The following RTN4 variants were observed in gnomAD, a reference collection of about 807,000 sequenced individuals.
RTN4 encodes reticulon-4.
In RTN4, 32 loss-of-function variants were observed where a neutral mutation model predicts 90.4. The ratio of observed to expected loss-of-function variants is 0.35; its 90% CI spans 0.27 to 0.48. The LOEUF (loss-of-function observed/expected upper bound fraction) is 0.48, where lower values mean the gene tolerates loss of function less well. Ranked by LOEUF, RTN4 falls within the 20% of genes least tolerant of loss-of-function variation. The pLI is 0.99. For missense variants in RTN4, 1,706 were observed against 1,430.2 expected (o/e 1.19, Z -3.11); for synonymous variants, 629 against 552.5 (o/e 1.14, Z -1.94).
the RTN4 span, among the ~76,000 whole-genome samples, chr2:55,137,809 G>T: frequency 6.6e-6 from 1 of 152,092 alleles, no homozygotes; most frequent in African/African-American, 2.4e-5. Context: ...GGAACCTGCC[G>T]CAGGCCTGTG....
rs902408023 is a variant in RTN4 at position 54,972,965 on chromosome 2, A to C, written c.*191T>G. On this transcript the variant is annotated 3_prime_UTR_variant, in exon 9 of 9. Coordinates refer to ENST00000337526, the MANE Select transcript of RTN4 (RefSeq NM_020532.5). ...CATACATAGCAGCTTACAATACTTAAGATGATGAACACATGGCAGTCAAGA... is the reference window on the plus strand; with the variant it reads ...CATACATAGCAGCTTACAATACTTACGATGATGAACACATGGCAGTCAAGA... 2.0e-6 allele frequency: 1 copy of C among 493,544 alleles called. No homozygotes were observed. Among genetic ancestry groups the C allele is most frequent in the Admixed American group, 3.4e-5 (1 of 29,146 alleles). 30.6% of individuals were successfully genotyped at this position (493,544 alleles called of 1,614,324 possible).
At chr2:54,982,467 G>A (rs1558761925) in intron 5 of RTN4, 48 bp downstream of exon 5, 1 of 1,521,014 alleles carries the variant, frequency 6.6e-7, no homozygotes, top group African/African-American at 1.4e-5. Flanking sequence ...CAACTCTCTT[G>A]ATACTAAATT....
intron 1 of RTN4, among the ~76,000 whole-genome samples, chr2:55,041,384 G>A (rs1683064017): frequency 6.6e-6 from 1 of 151,472 alleles, no homozygotes. Context: ...GAGGGAGAGG[G>A]GACAAGATAA....
At chr2:55,008,176 C>CACACACACA (rs1553438392) in intron 3 of RTN4, among the ~76,000 whole-genome samples, 4 of 149,678 alleles carry the variant, frequency 2.7e-5, no homozygotes, top group Non-Finnish European at 4.5e-5. Context: ...CACACACACA[C>CACACACACA]CACCTTTTAA....
At chr2:55,092,819 G>C (rs1197827498) in intron 1 of RTN4, among the ~76,000 whole-genome samples, 1 of 152,260 alleles carries the variant, frequency 6.6e-6, no homozygotes, top group Non-Finnish European at 1.5e-5. Context: ...CCTCACACTA[G>C]AGCTAGAAGC....
At chr2:55,052,182 A>G (rs1263991999), upstream of RTN4, among the ~76,000 whole-genome samples, 1 of 152,248 alleles carries the variant, frequency 6.6e-6, no homozygotes, top group African/African-American at 2.4e-5. Flanking sequence ...TATACAACAG[A>G]AAGAGTGAAC....
At position 55,026,981 on chromosome 2, in the gene RTN4, C is replaced by T; in HGVS notation, c.1118G>A (p.Arg373Lys). Residue 373 changes from arginine (R) to lysine (K), a missense_variant, in exon 3 of 9, where the codon AGA becomes AAA. By Grantham distance (26) the Arg-to-Lys change is conservative (BLOSUM62 2). Transcript: ENST00000337526. ...CCTCATAGGAGCTTCCACTGCAACT[C>T]TCTTTTCATTAAAACTGTCTTTTGC... ...EKAKDSFNEK[R>K]VAVEAPMREE... The T allele has an allele frequency of 1.2e-6, 2 of 1,613,370 alleles. No individual in the cohort carries two copies. Among genetic ancestry groups the T allele is most frequent in the Non-Finnish European group, 1.7e-6 (2 of 1,179,884 alleles).
At chr2:54,974,648 C>A in intron 6 of RTN4, 47 bp downstream of exon 6, 1 of 1,401,840 alleles carries the variant, frequency 7.1e-7, no homozygotes. Flanking sequence ...GCTCCTGGCA[C>A]ACAATCTTTC....
chr2:55,132,117 G>A, the RTN4 span, among the ~76,000 whole-genome samples: 111 of 152,294 alleles, frequency 7.3e-4, no homozygotes, highest in Non-Finnish European at 1.3e-3. Context: ...GGAGGAAATC[G>A]GTGAAACAAG....
intron 2 of RTN4, among the ~76,000 whole-genome samples, chr2:55,065,428 CA>C (rs1273552034): frequency 2.0e-5 from 3 of 152,038 alleles, no homozygotes; most frequent in Non-Finnish European, 2.9e-5. Context: ...CAAGTAAGAA[CA>C]TACCTAAGAA....
chr2:54,986,108 G>A (rs1485755407), intron 4 of RTN4, among the ~76,000 whole-genome samples: 1 of 152,118 alleles, frequency 6.6e-6, no homozygotes, highest in Non-Finnish European at 1.5e-5. Flanking sequence ...ATGAACATGG[G>A]TACAAAACTC....
intron 1 of RTN4, among the ~76,000 whole-genome samples, chr2:55,041,307 C>A (rs913911006): frequency 9.2e-5 from 14 of 151,812 alleles, no homozygotes; most frequent in Admixed American, 9.2e-4. Context: ...AATATCAACA[C>A]CGAATGTATT....
Position 55,049,781 on chromosome 2 carries a change from C to A in RTN4, c.520G>T (p.Ala174Ser). The change falls in exon 1 of 9, where the codon GCC becomes TCC. Residue 174 changes from alanine (A) to serine (S), a missense_variant. Coordinates refer to ENST00000337526, the MANE Select transcript of RTN4 (RefSeq NM_020532.5). ...PAPAAPPSTP[A>S]APKRRGSSGS... is the part of the protein sequence containing the mutation. ...GAGGAGCCCCTGCGCTTGGGCGCGG[C>A]CGGGGTGGAGGGGGGCGCGGCGGGA... The A allele has an allele frequency of 3.0e-6, 4 of 1,319,998 alleles. No homozygotes were observed. Among genetic ancestry groups the A allele is most frequent in the Non-Finnish European group, 3.9e-6 (4 of 1,036,932 alleles). The allele number at this position is 1,319,998 out of a possible 1,614,324, so 81.8% of individuals were successfully genotyped here. A position where few individuals can be genotyped will look rare whatever the true frequency, so the allele number is the denominator to read the frequency against.
chr2:55,113,697 C>T (rs923260126), upstream of RTN4, among the ~76,000 whole-genome samples: 16 of 152,324 alleles, frequency 1.1e-4, no homozygotes, highest in African/African-American at 3.8e-4. Context: ...CAACTCTACC[C>T]TACCCAAGAG....
At chr2:55,076,159 A>G (rs1228923315) in intron 2 of RTN4, among the ~76,000 whole-genome samples, 1 of 152,196 alleles carries the variant, frequency 6.6e-6, no homozygotes, top group African/African-American at 2.4e-5. Flanking sequence ...ATGGAGTGGG[A>G]GGAAAACATT....
intron 1 of RTN4, among the ~76,000 whole-genome samples, chr2:55,109,853 G>A (rs1668005332): frequency 6.6e-6 from 1 of 152,168 alleles, no homozygotes; most frequent in Non-Finnish European, 1.5e-5. Context: ...GAGTCTGAGG[G>A]AGCACCCTAA....
chr2:55,013,723 C>G (rs1020050059), intron 3 of RTN4, among the ~76,000 whole-genome samples: 2 of 152,070 alleles, frequency 1.3e-5, no homozygotes, highest in Non-Finnish European at 2.9e-5. Context: ...TAAGTCCACC[C>G]CAGCCAGCTC....
intron 1 of RTN4, among the ~76,000 whole-genome samples, chr2:55,110,310 CAA>C (rs11289091): frequency 1.6e-3 from 157 of 96,188 alleles, no homozygotes; most frequent in Admixed American, 1.8e-3. Context: ...GACCCTGTCT[CAA>C]AAAAAAAAAA....
At chr2:55,051,619 G>A (rs888977259), upstream of RTN4, among the ~76,000 whole-genome samples, 4 of 152,198 alleles carry the variant, frequency 2.6e-5, no homozygotes, top group Non-Finnish European at 4.4e-5. Context: ...CTGCTTTCAA[G>A]TTGCTCAAAG....
Sources: gnomAD v4.1 joint callset for allele counts (sites outside exome capture counted in the v4.1 genomes callset) on GRCh38, gnomAD v4.1.1 for gene constraint, MANE v1.5 for transcripts, NCBI Gene and HGNC (gene_info 2026-07-23, HGNC 2026-07-21) for gene names.